Variants in IL1RAPL1 observed in about 807,000 individuals in gnomAD.
IL1RAPL1 encodes the protein interleukin-1 receptor accessory protein-like 1.
A neutral mutation model predicts 48.4 loss-of-function variants in IL1RAPL1; 3 were observed. That is an observed-to-expected ratio of 0.06 (90% CI 0.03 to 0.16). The LOEUF (loss-of-function observed/expected upper bound fraction) is 0.16, where lower values mean the gene tolerates loss of function less well. Among genes scored for constraint, IL1RAPL1 ranks in the 10% least tolerant of loss-of-function variants. IL1RAPL1 has a pLI of 1.00. For missense variants in IL1RAPL1, 349 were observed against 530.6 expected, an observed-to-expected ratio of 0.66 and a Z score of 3.36; for synonymous variants, 185 against 187.7, an observed-to-expected ratio of 0.99 and a Z score of 0.12.
chrX:29,803,572 T>C (rs1304793986), intron 6 of IL1RAPL1, among the ~76,000 whole-genome samples: 1 of 102,083 alleles, frequency 9.8e-6, no homozygotes, highest in African/African-American at 3.5e-5. Flanking sequence ...TATATATGTA[T>C]ACATATATGT....
chrX:29,342,349 T>C (rs901033209), intron 3 of IL1RAPL1, among the ~76,000 whole-genome samples: 12 of 111,678 alleles, frequency 1.1e-4, no homozygotes, highest in Non-Finnish European at 1.5e-4. Flanking sequence ...ATAAGGCTTT[T>C]ACCCCCATTG....
At chrX:29,825,037 G>C (rs1470459475) in intron 6 of IL1RAPL1, among the ~76,000 whole-genome samples, 1 of 110,924 alleles carries the variant, frequency 9.0e-6, no homozygotes, top group Non-Finnish European at 1.9e-5. Context: ...TCCATCTTTA[G>C]GTTTTTCTTT....
chrX:29,334,176 G>T (rs1932937228), intron 3 of IL1RAPL1, among the ~76,000 whole-genome samples: 4 of 69,523 alleles, frequency 5.8e-5, no homozygotes, highest in Non-Finnish European at 8.3e-5. Flanking sequence ...CCTCCCGGAC[G>T]GGGCGGCCGG....
intron 5 of IL1RAPL1, among the ~76,000 whole-genome samples, chrX:29,582,607 T>G (rs1331146224): frequency 1.8e-4 from 13 of 72,442 alleles, no homozygotes; most frequent in Non-Finnish European, 2.8e-4. Context: ...TGTGATCTCA[T>G]TGTTCAATTC....
chrX:29,392,648 G>A (rs1282022296), intron 3 of IL1RAPL1, among the ~76,000 whole-genome samples: 1 of 112,328 alleles, frequency 8.9e-6, no homozygotes, highest in Non-Finnish European at 1.9e-5. Context: ...AGCTGAAGGA[G>A]AAGTTAGGAA....
intron 5 of IL1RAPL1, among the ~76,000 whole-genome samples, chrX:29,447,782 T>C (rs1260888101): frequency 1.1e-4 from 12 of 112,308 alleles, no homozygotes; most frequent in African/African-American, 3.9e-4. Flanking sequence ...CACATACTCA[T>C]TTGTCATTAT....
At chrX:29,423,641 T>C (rs1329850220) in intron 5 of IL1RAPL1, among the ~76,000 whole-genome samples, 3 of 111,808 alleles carry the variant, frequency 2.7e-5, no homozygotes, top group Non-Finnish European at 5.6e-5. Context: ...GTTTCAGTCA[T>C]AATGATTATA....
chrX:29,421,084 A>C (rs1299526227), intron 5 of IL1RAPL1, among the ~76,000 whole-genome samples: 4 of 112,140 alleles, frequency 3.6e-5, no homozygotes, highest in African/African-American at 1.3e-4. Flanking sequence ...AAGCTTCAAA[A>C]AGATTCACAA....
intron 2 of IL1RAPL1, among the ~76,000 whole-genome samples, chrX:28,964,924 C>A (rs1924883007): frequency 9.0e-6 from 1 of 110,681 alleles, no homozygotes; most frequent in Non-Finnish European, 1.9e-5. Flanking sequence ...TTGACTATTT[C>A]TGGAATATAC....
rs1203182036 is a variant in IL1RAPL1 at position 28,768,729 on chromosome X, G to GTC, written c.-24-20565_-24-20564dup. ...TCTCTCTCTCTCTCTCTCTCTCTCT[G>GTC]TCTCTCTCTCTCTCTCTCTCTCTCT... On this transcript the variant is annotated intron_variant, in intron 1 of 10. Transcript: ENST00000378993. 5.9e-3 allele frequency among the ~76,000 whole-genome samples: 297 copies of GTC among 50,683 alleles called. 4 individuals are homozygous for GTC. Among genetic ancestry groups the GTC allele is most frequent in the South Asian group, 0.028 (17 of 601 alleles). The allele number at this position is 50,683 out of a possible 115,157, so 44.0% of individuals were successfully genotyped here.
chrX:29,146,690 G>A (rs1438334386), intron 2 of IL1RAPL1, among the ~76,000 whole-genome samples: 2 of 111,875 alleles, frequency 1.8e-5, no homozygotes, highest in Non-Finnish European at 1.9e-5. Context: ...AGAACATAAG[G>A]GCATAATGCA....
At chrX:28,763,343 C>T (rs1009690895) in intron 1 of IL1RAPL1, among the ~76,000 whole-genome samples, 4 of 111,827 alleles carry the variant, frequency 3.6e-5, no homozygotes, top group Non-Finnish European at 7.5e-5. Flanking sequence ...ACCATTTGAT[C>T]TTATAATTAA....
At chrX:28,911,649 A>C (rs1923363054) in intron 2 of IL1RAPL1, among the ~76,000 whole-genome samples, 1 of 111,517 alleles carries the variant, frequency 9.0e-6, no homozygotes, top group Admixed American at 9.6e-5. Flanking sequence ...GTTATCTGTC[A>C]CTAAAAAGAA....
At chrX:29,473,280 C>T (rs766076090) in intron 5 of IL1RAPL1, among the ~76,000 whole-genome samples, 5 of 111,884 alleles carry the variant, frequency 4.5e-5, no homozygotes, top group Non-Finnish European at 9.4e-5. Flanking sequence ...CGTACTCCAG[C>T]ATGACCTCAT....
intron 2 of IL1RAPL1, among the ~76,000 whole-genome samples, chrX:29,241,657 T>C (rs1931424642): frequency 8.9e-6 from 1 of 111,862 alleles, no homozygotes; most frequent in Non-Finnish European, 1.9e-5. Flanking sequence ...AAAAAGGGCT[T>C]TTATGCACAT....
intron 2 of IL1RAPL1, among the ~76,000 whole-genome samples, chrX:29,028,344 G>T (rs767732259): frequency 6.0e-5 from 6 of 99,503 alleles, no homozygotes; most frequent in African/African-American, 2.3e-4. Context: ...CTGGAGTGCA[G>T]TGGCACAGTC....
chrX:29,539,473 T>C (rs1231415052), intron 5 of IL1RAPL1, among the ~76,000 whole-genome samples: 1 of 111,329 alleles, frequency 9.0e-6, no homozygotes, highest in East Asian at 2.8e-4. Flanking sequence ...AAGACAAGGA[T>C]GCCCCCTCTC....
At chrX:29,071,598 C>T (rs1229008813) in intron 2 of IL1RAPL1, among the ~76,000 whole-genome samples, 1 of 112,051 alleles carries the variant, frequency 8.9e-6, no homozygotes, top group African/African-American at 3.2e-5. Flanking sequence ...GTCTTTCCAA[C>T]AGGATTGTAA....
chrX:29,623,793 G>A (rs1446423196), intron 5 of IL1RAPL1, among the ~76,000 whole-genome samples: 1 of 112,034 alleles, frequency 8.9e-6, no homozygotes, highest in African/African-American at 3.2e-5. Flanking sequence ...GGAATTCCAC[G>A]TGCATCGCCT....
Sources: gnomAD v4.1 joint callset for allele counts (sites outside exome capture counted in the v4.1 genomes callset) on GRCh38, gnomAD v4.1.1 for gene constraint, MANE v1.5 for transcripts, NCBI Gene and HGNC (gene_info 2026-07-23, HGNC 2026-07-21) for gene names.